The following ATXN10 variants were observed in gnomAD, a reference collection of about 807,000 sequenced individuals.
The protein encoded by ATXN10 is ataxin-10.
ATXN10 carries 28 observed loss-of-function variants against 52.9 expected under a neutral mutation model. That is an observed-to-expected ratio of 0.53 (90% CI 0.39 to 0.73). ATXN10 has a LOEUF of 0.73. ATXN10 is among the 30% of genes least tolerant of loss of function. The pLI, the probability that ATXN10 is intolerant of heterozygous loss-of-function variation, is 0.00. For missense variants in ATXN10, 565 were observed against 577.0 expected, an observed-to-expected ratio of 0.98 and a Z score of 0.21; for synonymous variants, 226 against 221.5, an observed-to-expected ratio of 1.02 and a Z score of -0.18.
Position 45,775,391 on chromosome 22 carries a change from A to G in ATXN10, c.1174-31568A>G, listed in dbSNP as rs1345458480. 1.3e-5 allele frequency among the ~76,000 whole-genome samples: 2 copies of G among 152,244 alleles called. No individual in the cohort carries two copies. The highest frequency in any genetic ancestry group is 2.9e-5 in the Non-Finnish European group (2 of 68,044). On this transcript the variant is annotated intron_variant, in intron 9 of 11. Transcript: ENST00000252934. This position sits in a 1 kb window ranked among gnomAD's most constrained non-coding sequence, Gnocchi z 4.7. Reference sequence around the variant, plus strand: ...AAGAAATTGAGACAAGTTGGAAAACACAAACATTGTGAGGGTTTGTAGAAC... The same window carrying G: ...AAGAAATTGAGACAAGTTGGAAAACGCAAACATTGTGAGGGTTTGTAGAAC...
intron 3 of ATXN10, among the ~76,000 whole-genome samples, chr22:45,694,298 G>C (rs1487768362): frequency 6.6e-6 from 1 of 151,924 alleles, no homozygotes; most frequent in Non-Finnish European, 1.5e-5. Flanking sequence ...TTTAATTTAT[G>C]ATCTCTTTGT....
At chr22:45,801,690 T>C (rs939743355) in intron 9 of ATXN10, among the ~76,000 whole-genome samples, 16 of 152,332 alleles carry the variant, frequency 1.1e-4, no homozygotes, top group African/African-American at 3.8e-4. Flanking sequence ...ATTGTAGAAG[T>C]AGATCTTTCC....
Position 45,783,097 on chromosome 22 carries a change from T to C in ATXN10, c.1174-23862T>C, listed in dbSNP as rs1045187352. ...ACCTTTTCACTTAAAGGAAGCACTTTATGGCTTCTCTTTGGCATATTCAAA... is the reference window on the plus strand; with the variant it reads ...ACCTTTTCACTTAAAGGAAGCACTTCATGGCTTCTCTTTGGCATATTCAAA... On this transcript the variant is annotated intron_variant, in intron 9 of 11. Transcript: ENST00000252934. The surrounding 1 kb of genome is among the most constrained non-coding windows in gnomAD (Gnocchi z 5.0). Among the ~76,000 whole-genome samples, 2 of 152,242 alleles carry C rather than the reference T, an allele frequency of 1.3e-5. No homozygotes were observed. Among genetic ancestry groups the C allele is most frequent in the Non-Finnish European group, 2.9e-5 (2 of 68,042 alleles).
chr22:45,746,153 C>T (rs994946812), intron 9 of ATXN10, among the ~76,000 whole-genome samples: 10 of 151,788 alleles, frequency 6.6e-5, no homozygotes, highest in East Asian at 3.9e-4. Flanking sequence ...GATCTGAATG[C>T]GGTTTTTTCA....
rs1924017056 is a variant in ATXN10, at chr22:45,705,790, T to G, written c.647+2943T>G. Among the ~76,000 whole-genome samples, 1 of 152,126 alleles carries G rather than the reference T, an allele frequency of 6.6e-6. No homozygotes were observed. The highest frequency in any genetic ancestry group is 1.5e-5 in the Non-Finnish European group (1 of 68,008). On this transcript the variant is annotated intron_variant, in intron 5 of 11. Coordinates refer to ENST00000252934, the MANE Select transcript of ATXN10 (RefSeq NM_013236.4). The surrounding 1 kb of genome is among the most constrained non-coding windows in gnomAD (Gnocchi z 5.2). Reference sequence around the variant, plus strand: ...TCTTCTTGGGTTGGTTTTGGTAGTTTGTGTCTTTCTAGGAATTTGCCTGTT... The same window carrying G: ...TCTTCTTGGGTTGGTTTTGGTAGTTGGTGTCTTTCTAGGAATTTGCCTGTT...
At chr22:45,746,445 A>T (rs1245448088) in intron 9 of ATXN10, among the ~76,000 whole-genome samples, 1 of 152,144 alleles carries the variant, frequency 6.6e-6, no homozygotes, top group African/African-American at 2.4e-5. Context: ...AATGAGGATT[A>T]GTACCTGTTT....
chr22:45,702,447 T>G (rs548055687), intron 4 of ATXN10, among the ~76,000 whole-genome samples: 1 of 152,346 alleles, frequency 6.6e-6, no homozygotes, highest in East Asian at 1.9e-4. Context: ...AATGGTAAGT[T>G]ATTTGCCTTT....
In ATXN10 at chr22:45,772,214, G is replaced by A. The variant is rs931664736; in HGVS notation, c.1173+31676G>A. Reference sequence around the variant, plus strand: ...AAAATTTTGTAGTTTTATGTTTTGTGTTTAGATCTAGGATCCATTTGAGTT... The same window carrying A: ...AAAATTTTGTAGTTTTATGTTTTGTATTTAGATCTAGGATCCATTTGAGTT... On this transcript the variant is annotated intron_variant, in intron 9 of 11. Coordinates refer to ENST00000252934, the MANE Select transcript of ATXN10 (RefSeq NM_013236.4). This position sits in a 1 kb window ranked among gnomAD's most constrained non-coding sequence, Gnocchi z 4.1. Among the ~76,000 whole-genome samples, 2 of 152,046 alleles carry A rather than the reference G, an allele frequency of 1.3e-5. No homozygotes were observed. Among genetic ancestry groups the A allele is most frequent in the African/African-American group, 4.8e-5 (2 of 41,402 alleles).
At chr22:45,799,231 C>T (rs572965062) in intron 9 of ATXN10, among the ~76,000 whole-genome samples, 45 of 152,124 alleles carry the variant, frequency 3.0e-4, no homozygotes, top group African/African-American at 5.5e-4. Context: ...CCACCACGCC[C>T]GTCCCAGGAA....
Position 45,676,887 on chromosome 22 carries a change from C to T in ATXN10, c.116+4708C>T, listed in dbSNP as rs190866770. ...CTCGACTTCCTGGGCTCAAGCAATC[C>T]TCCTGCCTCCTTCCCCAGTAGCTGG... On this transcript the variant is annotated intron_variant, in intron 1 of 11. Coordinates refer to ENST00000252934, the MANE Select transcript of ATXN10 (RefSeq NM_013236.4). 3.9e-5 allele frequency: 6 copies of T among 152,490 alleles called. No individual in the cohort carries two copies. In the East Asian group the frequency reaches 1.2e-3, roughly 29 times the overall value. 9.4% of individuals were successfully genotyped at this position (152,490 alleles called of 1,614,324 possible). A position where few individuals can be genotyped will look rare whatever the true frequency, so the allele number is the denominator to read the frequency against.
Position 45,789,169 on chromosome 22 carries a change from A to G in ATXN10, c.1174-17790A>G, listed in dbSNP as rs1490890941. Among the ~76,000 whole-genome samples the G allele has an allele frequency of 1.3e-5, 2 of 152,160 alleles. No individual in the cohort carries two copies. The highest frequency in any genetic ancestry group is 2.9e-5 in the Non-Finnish European group (2 of 68,034). On this transcript the variant is annotated intron_variant, in intron 9 of 11. Coordinates refer to ENST00000252934, the MANE Select transcript of ATXN10 (RefSeq NM_013236.4). This position sits in a 1 kb window ranked among gnomAD's most constrained non-coding sequence, Gnocchi z 4.0. ...GCTCACCTGACCACCCCTCTAAAAC[A>G]GTCTTTGGCCACTCTCAATCTCTAG... is the stretch of plus-strand genomic sequence containing the variant.
intron 10 of ATXN10, among the ~76,000 whole-genome samples, chr22:45,813,780 A>G (rs527425828): frequency 2.6e-5 from 4 of 152,364 alleles, no homozygotes; most frequent in Admixed American, 2.0e-4. Flanking sequence ...GTTTCTCAAC[A>G]AATAAGTGTT....
At chr22:45,773,450 T>TTATC (rs1277119624) in intron 9 of ATXN10, among the ~76,000 whole-genome samples, 1 of 145,020 alleles carries the variant, frequency 6.9e-6, no homozygotes, top group Non-Finnish European at 1.6e-5. Context: ...GAAGAATTAT[T>TTATC]TATTTATTTA....
chr22:45,696,143 A>G lies in ATXN10; in HGVS notation c.391+3065A>G, dbSNP rs1474151721. 6.6e-6 allele frequency among the ~76,000 whole-genome samples: 1 copy of G among 152,204 alleles called. No individual in the cohort carries two copies. The highest frequency in any genetic ancestry group is 2.4e-5 in the African/African-American group (1 of 41,442). On this transcript the variant is annotated intron_variant, in intron 3 of 11. Transcript: ENST00000252934. The surrounding 1 kb of genome is among the most constrained non-coding windows in gnomAD (Gnocchi z 4.7). ...AAAGGATGTAGGATTTAGTTGTGAAATGTTTTTACGATATTATATATTTAA... is the reference window on the plus strand; with the variant it reads ...AAAGGATGTAGGATTTAGTTGTGAAGTGTTTTTACGATATTATATATTTAA...
intron 9 of ATXN10, among the ~76,000 whole-genome samples, chr22:45,761,181 C>T (rs1926376242): frequency 6.6e-6 from 1 of 152,060 alleles, no homozygotes; most frequent in Non-Finnish European, 1.5e-5. Flanking sequence ...AATGCAGTGG[C>T]GTGATTTCGG....
At chr22:45,788,851 G>A (rs1266408187) in intron 9 of ATXN10, among the ~76,000 whole-genome samples, 2 of 151,980 alleles carry the variant, frequency 1.3e-5, no homozygotes, top group Non-Finnish European at 2.9e-5. Flanking sequence ...GTCTCGCCGT[G>A]TTGTTCAGAC....
Position 45,781,235 on chromosome 22 carries a change from G to C in ATXN10, c.1174-25724G>C, listed in dbSNP as rs978307623. On this transcript the variant is annotated intron_variant, in intron 9 of 11. Coordinates refer to ENST00000252934, the MANE Select transcript of ATXN10 (RefSeq NM_013236.4). The surrounding 1 kb of genome is among the most constrained non-coding windows in gnomAD (Gnocchi z 4.2). ...ATGAGGCACCCCTCACCCCTGCTAG[G>C]TGGTGTCAGAGAAGATGGAGCTGGG... Among the ~76,000 whole-genome samples the C allele has an allele frequency of 2.0e-5, 3 of 152,162 alleles. No homozygotes were observed. The highest frequency in any genetic ancestry group is 7.2e-5 in the African/African-American group (3 of 41,436).
chr22:45,676,473 A>C (rs1328437924), intron 1 of ATXN10: 1 of 147,062 alleles, frequency 6.8e-6, no homozygotes. Context: ...CATTAGCCAT[A>C]TTTTTTAATT....
Position 45,701,291 on chromosome 22 carries a change from G to A in ATXN10, c.488+913G>A, listed in dbSNP as rs1923834601. Among the ~76,000 whole-genome samples, 1 of 152,186 alleles carries A rather than the reference G, an allele frequency of 6.6e-6. No homozygotes were observed. The highest frequency in any genetic ancestry group is 1.5e-5 in the Non-Finnish European group (1 of 68,036). On this transcript the variant is annotated intron_variant, in intron 4 of 11. Coordinates refer to ENST00000252934, the MANE Select transcript of ATXN10 (RefSeq NM_013236.4). This position sits in a 1 kb window ranked among gnomAD's most constrained non-coding sequence, Gnocchi z 4.2. ...GATGAGAGACCTGAAGCTCATCACT[G>A]GTAAATGGCAGAGGTAGAGTGTAAA...
Sources: allele counts gnomAD v4.1 joint callset (sites outside exome capture counted in the v4.1 genomes callset), GRCh38; gene constraint gnomAD v4.1.1; non-coding constraint Gnocchi (gnomAD v3.1); transcripts MANE v1.5; gene names NCBI Gene and HGNC (gene_info 2026-07-23, HGNC 2026-07-21).